Variants in PARVB observed in about 807,000 individuals in gnomAD.
PARVB encodes the protein parvin beta.
Under a neutral mutation model 47.0 loss-of-function variants are expected in PARVB, and 46 were observed. The ratio of observed to expected loss-of-function variants is 0.98; its 90% confidence interval spans 0.77 to 1.25. The LOEUF is 1.25. Among genes scored for constraint, PARVB ranks in the 50% most tolerant of loss-of-function variants. PARVB has a pLI of 0.00. For missense variants in PARVB, 473 were observed against 471.6 expected (o/e 1.00, Z -0.03); for synonymous variants, 196 against 196.3 (o/e 1.00, Z 0.01).
intron 2 of PARVB, among the ~76,000 whole-genome samples, chr22:44,011,471 C>T (rs958333914): frequency 1.3e-5 from 2 of 151,988 alleles, no homozygotes; most frequent in African/African-American, 4.8e-5. Context: ...GTTAGCCAGG[C>T]GTGGTGGTGC....
At chr22:44,010,297 C>G (rs979965626) in intron 2 of PARVB, among the ~76,000 whole-genome samples, 7 of 152,088 alleles carry the variant, frequency 4.6e-5, no homozygotes, top group African/African-American at 1.7e-4. Context: ...TCTGCTTAAC[C>G]CCATGTGATG....
intron 6 of PARVB, among the ~76,000 whole-genome samples, chr22:44,136,029 A>G (rs1187037467): frequency 6.6e-6 from 1 of 152,224 alleles, no homozygotes; most frequent in Non-Finnish European, 1.5e-5. Context: ...TTTGTGGTAG[A>G]TATGAACTTT....
chr22:44,065,174 G>A (rs1336444815), intron 1 of PARVB, among the ~76,000 whole-genome samples: 3 of 151,986 alleles, frequency 2.0e-5, no homozygotes, highest in Non-Finnish European at 4.4e-5. Flanking sequence ...GTTTTGTGGG[G>A]ACCCTTTGTC....
chr22:44,159,862 C>T (rs2054014437), intron 11 of PARVB, among the ~76,000 whole-genome samples: 1 of 152,186 alleles, frequency 6.6e-6, no homozygotes, highest in Admixed American at 6.5e-5. Flanking sequence ...CTCCTGTGGG[C>T]TGAGACCCCG....
chr22:44,011,341 G>A (rs1371926104), intron 2 of PARVB, among the ~76,000 whole-genome samples: 2 of 152,050 alleles, frequency 1.3e-5, no homozygotes, highest in Admixed American at 1.3e-4. Context: ...AGCCAGGCAC[G>A]GCGGCTCACG....
At chr22:44,027,943 A>ATG (rs1491434742) in intron 1 of PARVB, among the ~76,000 whole-genome samples, 4 of 145,306 alleles carry the variant, frequency 2.8e-5, no homozygotes, top group African/African-American at 1.0e-4. Flanking sequence ...ATATATATTC[A>ATG]TGTGTGTGTA....
At chr22:44,046,681 T>A (rs2051118093) in intron 1 of PARVB, among the ~76,000 whole-genome samples, 1 of 152,256 alleles carries the variant, frequency 6.6e-6, no homozygotes, top group Admixed American at 6.5e-5. Flanking sequence ...AGGTGCTTAT[T>A]ACTTTCATAG....
At chr22:44,139,639 T>TG (rs372976215) in intron 7 of PARVB, 1,683 of 161,848 alleles carry the variant, frequency 0.01, 33 homozygotes, top group African/African-American at 0.037. Flanking sequence ...TTAGCAGAGA[T>TG]GGGGTTTCGC....
At chr22:44,028,068 C>A (rs143586149) in intron 1 of PARVB, among the ~76,000 whole-genome samples, 3 of 151,910 alleles carry the variant, frequency 2.0e-5, no homozygotes, top group Non-Finnish European at 4.4e-5. Flanking sequence ...TCCATCAGTG[C>A]CCCCCGGCTG....
chr22:44,064,558 G>T (rs2051482562), intron 1 of PARVB, among the ~76,000 whole-genome samples: 1 of 152,314 alleles, frequency 6.6e-6, no homozygotes, highest in African/African-American at 2.4e-5. Context: ...ATTACTCCAG[G>T]TAATTATATG....
intron 4 of PARVB, among the ~76,000 whole-genome samples, chr22:44,122,880 C>T (rs546127215): frequency 2.8e-4 from 43 of 152,306 alleles, no homozygotes; most frequent in Admixed American, 9.1e-4. Flanking sequence ...GATGTTCCTT[C>T]GTTTATTCAC....
At chr22:44,073,418 C>A (rs921795374) in intron 1 of PARVB, among the ~76,000 whole-genome samples, 1 of 152,188 alleles carries the variant, frequency 6.6e-6, no homozygotes, top group African/African-American at 2.4e-5. Context: ...CACTTGAACC[C>A]AGGAGGCAGA....
chr22:44,015,114 C>G (rs963261513), intron 2 of PARVB, among the ~76,000 whole-genome samples: 10 of 151,402 alleles, frequency 6.6e-5, no homozygotes, highest in African/African-American at 2.4e-4. Flanking sequence ...GCCTCCCAAA[C>G]TGCTGGGATT....
chr22:44,157,335 T>G (rs1031655272), intron 10 of PARVB, among the ~76,000 whole-genome samples: 1 of 152,190 alleles, frequency 6.6e-6, no homozygotes, highest in Non-Finnish European at 1.5e-5. Context: ...CCCTGAATGA[T>G]GGGAGTCACT....
chr22:44,063,103 C>T (rs750660126), intron 1 of PARVB, among the ~76,000 whole-genome samples: 3 of 151,950 alleles, frequency 2.0e-5, no homozygotes, highest in Non-Finnish European at 4.4e-5. Context: ...AACTTTGTGT[C>T]AGGAACCAGG....
chr22:44,008,397 A>G (rs2078452611), intron 2 of PARVB, among the ~76,000 whole-genome samples: 2 of 152,112 alleles, frequency 1.3e-5, no homozygotes, highest in African/African-American at 4.8e-5. Context: ...GGCGTGAGCC[A>G]CCACGCGCGG....
At chr22:44,025,550 G>A (rs375102723) in intron 1 of PARVB, among the ~76,000 whole-genome samples, 30 of 152,262 alleles carry the variant, frequency 2.0e-4, no homozygotes, top group African/African-American at 7.0e-4. Flanking sequence ...CCAGGGATGC[G>A]TGTCTTCCCA....
At chr22:44,123,538 C>T (rs1004577056) in intron 4 of PARVB, among the ~76,000 whole-genome samples, 1 of 152,100 alleles carries the variant, frequency 6.6e-6, no homozygotes, top group Non-Finnish European at 1.5e-5. Flanking sequence ...CTTAGCCGCC[C>T]GAGTAGCTGA....
intron 3 of PARVB, among the ~76,000 whole-genome samples, chr22:44,118,230 C>G (rs908476656): frequency 6.6e-6 from 1 of 152,058 alleles, no homozygotes; most frequent in African/African-American, 2.4e-5. Context: ...AGCGTAGGCA[C>G]GAAAGAAGGA....
Sources: allele counts gnomAD v4.1 joint callset (sites outside exome capture counted in the v4.1 genomes callset), GRCh38; gene constraint gnomAD v4.1.1; transcripts MANE v1.5; gene names NCBI Gene and HGNC (gene_info 2026-07-23, HGNC 2026-07-21).